Variants in PTPRH observed in about 807,000 individuals in gnomAD.
PTPRH encodes protein tyrosine phosphatase receptor type H, also known as receptor-type tyrosine-protein phosphatase H.
In PTPRH, 113 loss-of-function variants were observed where a neutral mutation model predicts 130.2. The ratio of observed to expected loss-of-function variants is 0.87; its 90% CI spans 0.75 to 1.01. PTPRH has a LOEUF of 1.01. Among genes scored for constraint, PTPRH ranks in the 50% least tolerant of loss-of-function variants. PTPRH has a pLI of 0.00. For synonymous variants in PTPRH, 556 were observed against 577.9 expected, an observed-to-expected ratio of 0.96 and a Z score of 0.54; for missense variants, 1,430 against 1,425.0, an observed-to-expected ratio of 1.00 and a Z score of -0.06.
intron 5 of PTPRH, 111 bp downstream of exon 5, chr19:55,203,671 C>T (rs1600072316): frequency 1.6e-6 from 2 of 1,285,052 alleles, no homozygotes; most frequent in Admixed American, 4.8e-5. Flanking sequence ...CCTGTGGCTT[C>T]CACTGTGTTT....
intron 19 of PTPRH, 44 bp downstream of exon 19, chr19:55,181,972 C>T (rs368424554): frequency 1.8e-4 from 290 of 1,613,416 alleles, no homozygotes; most frequent in Non-Finnish European, 2.0e-4. Flanking sequence ...CAGGGTCCCT[C>T]GTCCCACTGC....
At chr19:55,196,479 G>C (rs1270290031) in intron 10 of PTPRH, 43 bp downstream of exon 10, 5 of 1,581,902 alleles carry the variant, frequency 3.2e-6, no homozygotes, top group Non-Finnish European at 3.4e-6. Context: ...GGGGTCTACC[G>C]AGAATTTCAT....
chr19:55,191,428 T>C (rs951388422), intron 12 of PTPRH, 73 bp downstream of exon 12: 2 of 1,555,290 alleles, frequency 1.3e-6, no homozygotes, highest in African/African-American at 2.7e-5. Flanking sequence ...CCCTCTGACC[T>C]AGCTGGCAGC....
chr19:55,188,114 C>T lies in PTPRH; in HGVS notation c.2439G>A (p.Glu813=), dbSNP rs1191837590. The change falls in exon 13 of 20, where the codon GAG becomes GAA. Residue 813 remains glutamate, a synonymous_variant. Coordinates refer to ENST00000376350, the MANE Select transcript of PTPRH (RefSeq NM_002842.5). The stretch of plus-strand genomic sequence containing the variant: ...CTGCAAAACCACAGTTGCTGTCCCT[C>T]TCATTCTTCCTGACGTGGTCAGCGA... ...EDFADHVRKN[E]RDSNCGFADE... is the part of the protein sequence containing the mutation. The T allele has an allele frequency of 1.2e-6, 2 of 1,614,138 alleles. No individual in the cohort carries two copies. The highest frequency in any genetic ancestry group is 1.7e-6 in the Non-Finnish European group (2 of 1,180,010).
chr19:55,182,087 C>T lies in PTPRH; in HGVS notation c.3127G>A (p.Glu1043Lys), dbSNP rs753215109. 1.2e-5 allele frequency: 20 copies of T among 1,614,028 alleles called. No homozygotes were observed. Among genetic ancestry groups the T allele is most frequent in the African/African-American group, 1.1e-4 (8 of 74,924 alleles). ...AAGCTGAAGGGCCCAAGGAGACCCT[C>T]GGACTGCAGCTGCCGGAGCAGGACG... ...LDVLLRQLQS[E>K]GLLGPFSFVR... The change falls in exon 19 of 20, where the codon GAG (glutamate) becomes AAG (lysine). Residue 1043 changes from glutamate to lysine, a missense_variant. By Grantham distance (56) the Glu-to-Lys change is moderately conservative (BLOSUM62 1). Coordinates refer to ENST00000376350, the MANE Select transcript of PTPRH (RefSeq NM_002842.5).
At chr19:55,189,222 G>A (rs2086452956) in intron 12 of PTPRH, among the ~76,000 whole-genome samples, 1 of 152,180 alleles carries the variant, frequency 6.6e-6, no homozygotes, top group Non-Finnish European at 1.5e-5. Flanking sequence ...CTGACCTCAA[G>A]TGATCCTCCC....
At chr19:55,200,563 T>G in intron 6 of PTPRH, 61 bp from the exon 7 acceptor site, 1 of 1,542,964 alleles carries the variant, frequency 6.5e-7, no homozygotes, top group Non-Finnish European at 8.8e-7. Context: ...GGGGCAGGAG[T>G]GGGCCCCTCA....
chr19:55,185,316 A>T (rs73066671), intron 18 of PTPRH, among the ~76,000 whole-genome samples, 186 bp downstream of exon 18: 1 of 151,950 alleles, frequency 6.6e-6, no homozygotes, highest in South Asian at 2.1e-4. Flanking sequence ...TTTCGTTCCC[A>T]TCTTTTCATC....
chr19:55,199,339 T>A (rs957968982), intron 7 of PTPRH, among the ~76,000 whole-genome samples: 1 of 151,286 alleles, frequency 6.6e-6, no homozygotes, highest in African/African-American at 2.4e-5. Context: ...CCGGGCGCAG[T>A]GGCTCACGCC....
rs2086182092 is a variant in PTPRH, at chr19:55,181,851, G to A, written c.3251C>T (p.Ala1084Val). 1 of 1,614,196 alleles carries A rather than the reference G, an allele frequency of 6.2e-7. No homozygotes were observed. The highest frequency in any genetic ancestry group is 8.5e-7 in the Non-Finnish European group (1 of 1,180,034). ...QCILRFLQQS[A>V]QAPAEKEVPY... ...GACTTCCTTCTCGGCTGGGGCCTGGGCTGACTGTTGGAGGAACCGCAGGAT... is the reference window on the plus strand; with the variant it reads ...GACTTCCTTCTCGGCTGGGGCCTGGACTGACTGTTGGAGGAACCGCAGGAT... Residue 1084 changes from alanine (A) to valine (V), a missense_variant, in exon 20 of 20, where the codon GCC becomes GTC. Physicochemically the swap from Ala to Val is moderately conservative, Grantham distance 64. Coordinates refer to ENST00000376350, the MANE Select transcript of PTPRH (RefSeq NM_002842.5).
chr19:55,188,560 TCAGACAGCC>T (rs1404917251), intron 12 of PTPRH, among the ~76,000 whole-genome samples: 12 of 152,238 alleles, frequency 7.9e-5, no homozygotes, highest in African/African-American at 2.9e-4. Context: ...ATAAACATAC[TCAGACAGCC>T]CTACACTTAC....
At chr19:55,188,504 C>G (rs2086433422) in intron 12 of PTPRH, among the ~76,000 whole-genome samples, 1 of 152,050 alleles carries the variant, frequency 6.6e-6, no homozygotes, top group Non-Finnish European at 1.5e-5. Context: ...AAGGGCGAGA[C>G]TCCGTCTCAA....
chr19:55,197,120 T>A lies in PTPRH; in HGVS notation c.1987A>T (p.Thr663Ser). The change falls in exon 9 of 20, where the codon ACA becomes TCA. Residue 663 changes from threonine to serine, a missense_variant. Coordinates refer to ENST00000376350, the MANE Select transcript of PTPRH (RefSeq NM_002842.5). ...AAGGCAGGAAGGGGATTCTCACATGTGGACGCACAGAGGCTCTGCGTGGAA... is the reference window on the plus strand; with the variant it reads ...AAGGCAGGAAGGGGATTCTCACATGAGGACGCACAGAGGCTCTGCGTGGAA... ...ASSTQSLCAS[T>S]YPDTVTITSC... 4 of 1,613,690 alleles carry A rather than the reference T, an allele frequency of 2.5e-6. No homozygotes were observed. In the South Asian group the frequency reaches 3.3e-5, roughly 13 times the overall value.
rs1167710632 is a variant in PTPRH, at chr19:55,185,937, A to G, written c.2826T>C (p.His942=). 6.8e-6 allele frequency: 11 copies of G among 1,613,904 alleles called. No homozygotes were observed. ...CTACCAGGGTTACCCGCAGGTGCCC[A>G]TGGGTGCAGGGCTGCGAGTCCAGAG... is the stretch of plus-strand genomic sequence containing the variant. ...YWPLDSQPCT[H]GHLRVTLVGE... Residue 942 remains histidine, a synonymous_variant, in exon 17 of 20, where the codon CAT becomes CAC. Transcript: ENST00000376350.
rs533861620 is a variant in PTPRH, at chr19:55,209,186, C to G, written c.51+197G>C. On this transcript the variant is annotated intron_variant, in intron 1 of 19. Coordinates refer to ENST00000376350, the MANE Select transcript of PTPRH (RefSeq NM_002842.5). The surrounding 1 kb of genome is among the most constrained non-coding windows in gnomAD (Gnocchi z 4.1). ...GGGCCCGGGTGAAGCTGGTGTCCCC[C>G]GCAGCAGACACGACAGTATCTAAGA... 6.6e-6 allele frequency among the ~76,000 whole-genome samples: 1 copy of G among 152,094 alleles called. No individual in the cohort carries two copies. Among genetic ancestry groups the G allele is most frequent in the South Asian group, 2.1e-4 (1 of 4,830 alleles).
At position 55,188,103 on chromosome 19, in the gene PTPRH, T is replaced by C. The variant is rs776990383; in HGVS notation, c.2450A>G (p.Asn817Ser). ...DHVRKNERDS[N>S]CGFADEYQQL... ...CTGGTACTCGTCTGCAAAACCACAG[T>C]TGCTGTCCCTCTCATTCTTCCTGAC... The change falls in exon 13 of 20, where the codon AAC (asparagine) becomes AGC (serine). Residue 817 changes from asparagine to serine, a missense_variant. Transcript: ENST00000376350. 4 of 1,613,968 alleles carry C rather than the reference T, an allele frequency of 2.5e-6. No homozygotes were observed. Among genetic ancestry groups the C allele is most frequent in the African/African-American group, 2.7e-5 (2 of 74,926 alleles).
At chr19:55,190,597 T>A (rs1327363783) in intron 12 of PTPRH, among the ~76,000 whole-genome samples, 6 of 112,290 alleles carry the variant, frequency 5.3e-5, no homozygotes, top group Admixed American at 2.9e-4. Context: ...TATAAATTTA[T>A]ATATTATATA....
rs571402494 is a variant in PTPRH at position 55,187,309 on chromosome 19, C to T, written c.2566+204G>A. ...GCAGTGAGCCGAGATCGCGCCACTGCACTCCAGCCTGGGTGACAGAGCGAG... is the reference window on the plus strand; with the variant it reads ...GCAGTGAGCCGAGATCGCGCCACTGTACTCCAGCCTGGGTGACAGAGCGAG... On this transcript the variant is annotated intron_variant, in intron 14 of 19. Transcript: ENST00000376350. 4.9e-3 allele frequency among the ~76,000 whole-genome samples: 561 copies of T among 115,072 alleles called. 16 individuals carry two copies. Among genetic ancestry groups the T allele is most frequent in the African/African-American group, 0.02 (523 of 26,774 alleles). The allele number at this position is 115,072 out of a possible 152,430, so 75.5% of individuals were successfully genotyped here.
chr19:55,200,420 T>A lies in PTPRH; in HGVS notation c.1236A>T (p.Pro412=). The A allele has an allele frequency of 1.2e-6, 2 of 1,614,160 alleles. No individual in the cohort carries two copies. Among genetic ancestry groups the A allele is most frequent in the South Asian group, 2.2e-5 (2 of 91,084 alleles). The change falls in exon 7 of 20, where the codon CCA becomes CCT. Residue 412 remains proline (P), a synonymous_variant. Coordinates refer to ENST00000376350, the MANE Select transcript of PTPRH (RefSeq NM_002842.5). ...CCCAGTAGGTGTAGTCCTGAGGGTA[T>A]GGGCCATCGGGGACTTCCCAGCATA... ...IALCWEVPDG[P]YPQDYTYWVE...
Sources: gnomAD v4.1 joint callset for allele counts (sites outside exome capture counted in the v4.1 genomes callset) on GRCh38, gnomAD v4.1.1 for gene constraint, Gnocchi (gnomAD v3.1) non-coding constraint, MANE v1.5 for transcripts, NCBI Gene and HGNC (gene_info 2026-07-23, HGNC 2026-07-21) for gene names.